RALYL: variants seen among roughly 807,000 people sequenced by gnomAD.
The protein encoded by RALYL is RNA-binding Raly-like protein.
RALYL carries 29 observed loss-of-function variants against 35.1 expected under a neutral mutation model. The ratio of observed to expected loss-of-function variants is 0.83; its 90% CI spans 0.61 to 1.13. The LOEUF is 1.13. Among genes scored for constraint, RALYL ranks in the 50% most tolerant of loss-of-function variants. RALYL has a pLI of 0.00. For synonymous variants in RALYL, 120 were observed against 127.6 expected, an observed-to-expected ratio of 0.94 and a Z score of 0.40; for missense variants, 359 against 360.4, an observed-to-expected ratio of 1.00 and a Z score of 0.03.
chr8:84,817,138 G>C (rs1827506468), intron 4 of RALYL, among the ~76,000 whole-genome samples: 1 of 152,070 alleles, frequency 6.6e-6, no homozygotes, highest in African/African-American at 2.4e-5. Flanking sequence ...GGCTTGCCCT[G>C]CATCCAAAAA....
intron 1 of RALYL, among the ~76,000 whole-genome samples, chr8:84,321,032 G>A (rs918859761): frequency 6.6e-6 from 1 of 152,066 alleles, no homozygotes. Context: ...AATGTCAGGG[G>A]TTAGGGGAGA....
At chr8:84,913,414 A>G (rs1436631140) in intron 8 of RALYL, among the ~76,000 whole-genome samples, 1 of 152,074 alleles carries the variant, frequency 6.6e-6, no homozygotes, top group East Asian at 1.9e-4. Flanking sequence ...TTACTGAATT[A>G]TTTCAATAAT....
At chr8:84,203,737 T>C (rs1211279345) in intron 1 of RALYL, among the ~76,000 whole-genome samples, 1 of 152,156 alleles carries the variant, frequency 6.6e-6, no homozygotes, top group Non-Finnish European at 1.5e-5. Context: ...TACACAGTTT[T>C]AGTTTTTCCT....
At chr8:84,911,333 T>C (rs1009941275) in intron 8 of RALYL, among the ~76,000 whole-genome samples, 1 of 152,172 alleles carries the variant, frequency 6.6e-6, no homozygotes, top group Non-Finnish European at 1.5e-5. Context: ...ATAAAACTGG[T>C]TATATCTTTT....
intron 1 of RALYL, among the ~76,000 whole-genome samples, chr8:84,206,519 G>A (rs1046657686): frequency 6.6e-6 from 1 of 152,144 alleles, no homozygotes; most frequent in African/African-American, 2.4e-5. Context: ...CTGAATTAGT[G>A]CTAAAAGTAA....
intron 2 of RALYL, among the ~76,000 whole-genome samples, chr8:84,742,999 T>C (rs1807740722): frequency 6.6e-6 from 1 of 152,038 alleles, no homozygotes; most frequent in South Asian, 2.1e-4. Flanking sequence ...CCATCCCTTT[T>C]CTGCTGCCTG....
chr8:84,639,601 A>AT (rs1401138879), intron 2 of RALYL, among the ~76,000 whole-genome samples: 3 of 151,776 alleles, frequency 2.0e-5, no homozygotes, highest in Admixed American at 6.6e-5. Context: ...GAATTAATTT[A>AT]TTTTTTGTTT....
At chr8:84,687,970 TATACTC>T (rs1201710818) in intron 2 of RALYL, among the ~76,000 whole-genome samples, 7 of 152,104 alleles carry the variant, frequency 4.6e-5, no homozygotes, top group African/African-American at 1.4e-4. Flanking sequence ...AGAAAGATAA[TATACTC>T]ATAATCAGTT....
intron 2 of RALYL, among the ~76,000 whole-genome samples, chr8:84,681,394 T>C (rs573126943): frequency 5.6e-4 from 86 of 152,338 alleles, no homozygotes; most frequent in South Asian, 1.7e-3. Context: ...AAGAAAGTTA[T>C]TGGTAGCTTG....
chr8:84,770,486 T>C (rs1586115665), intron 2 of RALYL, among the ~76,000 whole-genome samples: 1 of 151,384 alleles, frequency 6.6e-6, no homozygotes, highest in South Asian at 2.1e-4. Flanking sequence ...TTTTTGCAAT[T>C]GTGAATTGTG....
chr8:84,408,979 A>T (rs775949857), intron 1 of RALYL, among the ~76,000 whole-genome samples: 22 of 152,134 alleles, frequency 1.4e-4, no homozygotes, highest in Non-Finnish European at 2.2e-4. Flanking sequence ...AATGCTTAGC[A>T]CAATGCTATA....
At chr8:84,328,506 C>A (rs185225819) in intron 1 of RALYL, among the ~76,000 whole-genome samples, 3 of 152,166 alleles carry the variant, frequency 2.0e-5, no homozygotes, top group African/African-American at 7.2e-5. Context: ...TTTGTAGATA[C>A]AGAAAAAGGC....
intron 8 of RALYL, among the ~76,000 whole-genome samples, chr8:84,897,569 T>C (rs1341476209): frequency 6.6e-6 from 1 of 152,154 alleles, no homozygotes; most frequent in Non-Finnish European, 1.5e-5. Context: ...TGTGATGATA[T>C]AGGGCTTTTG....
chr8:84,305,757 G>T (rs1437604452), intron 1 of RALYL, among the ~76,000 whole-genome samples: 5 of 152,116 alleles, frequency 3.3e-5, no homozygotes, highest in Admixed American at 1.3e-4. Context: ...ATCCCAGCAG[G>T]TTGCATAGTC....
intron 1 of RALYL, among the ~76,000 whole-genome samples, chr8:84,310,080 G>A (rs975973365): frequency 2.0e-5 from 3 of 150,024 alleles, no homozygotes; most frequent in East Asian, 2.0e-4. Context: ...ACAGAGTCTC[G>A]CTCTGTCACA....
At chr8:84,427,255 C>T (rs1312589294) in intron 1 of RALYL, among the ~76,000 whole-genome samples, 1 of 152,176 alleles carries the variant, frequency 6.6e-6, no homozygotes, top group Non-Finnish European at 1.5e-5. Flanking sequence ...AGCTTCCCTA[C>T]TAGACTTCCA....
chr8:84,358,660 G>A (rs1185007667), intron 1 of RALYL, among the ~76,000 whole-genome samples: 6 of 151,932 alleles, frequency 3.9e-5, no homozygotes, highest in Non-Finnish European at 5.9e-5. Flanking sequence ...GAGAAAATAA[G>A]GCACTCCTGA....
chr8:84,570,248 C>G (rs1448996698), intron 2 of RALYL, among the ~76,000 whole-genome samples: 1 of 151,678 alleles, frequency 6.6e-6, no homozygotes, highest in East Asian at 1.9e-4. Context: ...TTTGTGTCAT[C>G]TATGATTTCT....
intron 1 of RALYL, among the ~76,000 whole-genome samples, chr8:84,495,800 G>A (rs1242034866): frequency 6.6e-6 from 1 of 152,038 alleles, no homozygotes; most frequent in Non-Finnish European, 1.5e-5. Flanking sequence ...ACAGCCAGAA[G>A]CAAATGCATA....
Sources: gnomAD v4.1 joint callset for allele counts (sites outside exome capture counted in the v4.1 genomes callset) on GRCh38, gnomAD v4.1.1 for gene constraint, MANE v1.5 for transcripts, NCBI Gene and HGNC (gene_info 2026-07-23, HGNC 2026-07-21) for gene names.